The following GNG12 variants were observed in gnomAD, a reference collection of about 807,000 sequenced individuals.
GNG12 encodes the protein guanine nucleotide-binding protein G(I)/G(S)/G(O) subunit gamma-12.
For synonymous variants in GNG12, 28 were observed against 29.7 expected (o/e 0.94, Z 0.19); for missense variants, 69 against 83.8 (o/e 0.82, Z 0.69).
intron 1 of GNG12, among the ~76,000 whole-genome samples, chr1:67,818,412 G>GTTTTTTTT (rs1336642112): frequency 1.8e-5 from 2 of 112,604 alleles, no homozygotes; most frequent in African/African-American, 7.9e-5. Flanking sequence ...AAAGACCAGG[G>GTTTTTTTT]GTTTTTTTTT....
At chr1:67,817,545 G>A (rs1379636749) in intron 1 of GNG12, among the ~76,000 whole-genome samples, 2 of 150,688 alleles carry the variant, frequency 1.3e-5, no homozygotes, top group African/African-American at 2.4e-5. Flanking sequence ...TCTCCCCAGT[G>A]CCTTGCCCTG....
At chr1:67,810,494 A>G (rs1646918723) in intron 1 of GNG12, among the ~76,000 whole-genome samples, 1 of 152,232 alleles carries the variant, frequency 6.6e-6, no homozygotes, top group Non-Finnish European at 1.5e-5. Flanking sequence ...GGAGGAGGCT[A>G]TGCATAGGCA....
Position 67,818,043 on chromosome 1 carries a change from T to C in GNG12, c.-77+15301A>G, listed in dbSNP as rs143531718. 8.1e-3 allele frequency among the ~76,000 whole-genome samples: 1,228 copies of C among 152,244 alleles called. 15 individuals carry two copies. Among genetic ancestry groups the C allele is most frequent in the African/African-American group, 0.028 (1,149 of 41,546 alleles). On this transcript the variant is annotated intron_variant, in intron 1 of 3. Coordinates refer to ENST00000370982, the MANE Select transcript of GNG12 (RefSeq NM_018841.6). The stretch of plus-strand genomic sequence containing the variant: ...CTCAAGCAATCCTCTTACCTCAGCC[T>C]CCCAAAGTGCTGGGATTACAGGTGT...
At chr1:67,794,653 T>A (rs1032531861) in intron 1 of GNG12, among the ~76,000 whole-genome samples, 1 of 152,216 alleles carries the variant, frequency 6.6e-6, no homozygotes, top group African/African-American at 2.4e-5. Context: ...AGCTTTTCTG[T>A]TACTTATAGT....
At chr1:67,762,769 C>T (rs12084576) in intron 2 of GNG12, among the ~76,000 whole-genome samples, 24,017 of 151,840 alleles carry the variant, frequency 0.16, 2,964 homozygotes, top group African/African-American at 0.35. Context: ...TTAAAGTGAA[C>T]AGAAGGTAAA....
chr1:67,756,584 G>A lies in GNG12; in HGVS notation c.-27+20874C>T, dbSNP rs192849597. ...GTTTGACTTGGAGGCCACAAGATAG[G>A]GTGTGATGGTTTTAACCTGGTGTGA... On this transcript the variant is annotated intron_variant, in intron 2 of 3. Coordinates refer to ENST00000370982, the MANE Select transcript of GNG12 (RefSeq NM_018841.6). Among the ~76,000 whole-genome samples the A allele has an allele frequency of 5.9e-4, 90 of 152,248 alleles. 1 individual carries two copies. The highest frequency in any genetic ancestry group is 2.0e-3 in the African/African-American group (84 of 41,552).
intron 2 of GNG12, among the ~76,000 whole-genome samples, chr1:67,738,168 C>G (rs1646463058): frequency 6.6e-6 from 1 of 152,110 alleles, no homozygotes. Flanking sequence ...AACTCCTGGG[C>G]CCACCTCAGC....
intron 2 of GNG12, among the ~76,000 whole-genome samples, chr1:67,767,754 G>A (rs900843156): frequency 5.3e-5 from 8 of 152,142 alleles, no homozygotes; most frequent in African/African-American, 1.9e-4. Flanking sequence ...AATGAGGCAA[G>A]GCCTAAAAAA....
intron 1 of GNG12, among the ~76,000 whole-genome samples, chr1:67,780,493 T>C (rs1208195979): frequency 1.3e-5 from 2 of 152,206 alleles, no homozygotes; most frequent in Non-Finnish European, 2.9e-5. Flanking sequence ...ATAATGTGTC[T>C]AGCTCATTTT....
chr1:67,743,675 A>C (rs144295782), intron 2 of GNG12, among the ~76,000 whole-genome samples: 1 of 152,208 alleles, frequency 6.6e-6, no homozygotes, highest in Non-Finnish European at 1.5e-5. Flanking sequence ...TTTATGGCAT[A>C]TATTTTTAAA....
At chr1:67,729,557 T>C (rs1646407199) in intron 2 of GNG12, among the ~76,000 whole-genome samples, 1 of 151,904 alleles carries the variant, frequency 6.6e-6, no homozygotes, top group Admixed American at 6.6e-5. Context: ...CATCAACCTT[T>C]CACTCAGGCC....
intron 1 of GNG12, among the ~76,000 whole-genome samples, chr1:67,787,019 ATATATG>A (rs1417238293): frequency 7.7e-6 from 1 of 129,180 alleles, no homozygotes; most frequent in Non-Finnish European, 1.6e-5. Flanking sequence ...GTGTGTGTGT[ATATATG>A]TATGTGTATA....
intron 2 of GNG12, among the ~76,000 whole-genome samples, chr1:67,714,559 T>C (rs2100679853): frequency 6.6e-6 from 1 of 152,364 alleles, no homozygotes; most frequent in South Asian, 2.1e-4. Context: ...AGTATCTGCA[T>C]CCTCTTACAC....
intron 2 of GNG12, among the ~76,000 whole-genome samples, chr1:67,767,074 A>G (rs565722169): frequency 6.6e-6 from 1 of 152,292 alleles, no homozygotes; most frequent in Admixed American, 6.5e-5. Flanking sequence ...TCCTCTTTAG[A>G]AAAATCATAC....
At chr1:67,753,247 G>A (rs1646548880) in intron 2 of GNG12, among the ~76,000 whole-genome samples, 1 of 151,788 alleles carries the variant, frequency 6.6e-6, no homozygotes, top group Admixed American at 6.6e-5. Context: ...TCCAAAATCT[G>A]AAACTTTTTG....
intron 2 of GNG12, among the ~76,000 whole-genome samples, chr1:67,719,057 C>T (rs1646342633): frequency 6.6e-6 from 1 of 152,098 alleles, no homozygotes; most frequent in Non-Finnish European, 1.5e-5. Flanking sequence ...TAGCAAGCTG[C>T]TTGGTTGGGA....
intron 2 of GNG12, among the ~76,000 whole-genome samples, chr1:67,775,838 A>G (rs1000894315): frequency 6.6e-5 from 10 of 152,222 alleles, no homozygotes; most frequent in African/African-American, 2.4e-4. Context: ...GGAAAATTCC[A>G]GTAGGTCTTG....
intron 1 of GNG12, among the ~76,000 whole-genome samples, chr1:67,818,416 T>G (rs1332985705): frequency 1.5e-5 from 2 of 134,750 alleles, no homozygotes; most frequent in African/African-American, 6.5e-5. Flanking sequence ...ACCAGGGGTT[T>G]TTTTTTTTTT....
At chr1:67,733,250 TTTC>T (rs534013196) in intron 2 of GNG12, among the ~76,000 whole-genome samples, 2 of 152,208 alleles carry the variant, frequency 1.3e-5, no homozygotes, top group Admixed American at 6.5e-5. Flanking sequence ...GTGTTTGCCT[TTTC>T]TTCTTCTTTT....
Sources: allele counts gnomAD v4.1 joint callset (sites outside exome capture counted in the v4.1 genomes callset), GRCh38; gene constraint gnomAD v4.1.1; transcripts MANE v1.5; gene names NCBI Gene and HGNC (gene_info 2026-07-23, HGNC 2026-07-21).